STARD13: variants seen among roughly 807,000 people sequenced by gnomAD.
STARD13 encodes stAR-related lipid transfer protein 13.
Under a neutral mutation model 106.4 loss-of-function variants are expected in STARD13, and 62 were observed. That is an observed-to-expected ratio of 0.58 (90% CI 0.48 to 0.72). The LOEUF (loss-of-function observed/expected upper bound fraction) is 0.72. Among genes scored for constraint, STARD13 ranks in the 30% least tolerant of loss-of-function variants. The pLI is 0.00. For missense variants in STARD13, 1,387 were observed against 1,424.0 expected, an observed-to-expected ratio of 0.97 and a Z score of 0.42; for synonymous variants, 565 against 553.0, an observed-to-expected ratio of 1.02 and a Z score of -0.31.
At chr13:33,362,072 T>G in the STARD13 span, among the ~76,000 whole-genome samples, 1 of 152,246 alleles carries the variant, frequency 6.6e-6, no homozygotes, top group Non-Finnish European at 1.5e-5. Context: ...AGGCCATTTT[T>G]GTGTCACTAT....
At chr13:33,628,615 T>A in the STARD13 span, among the ~76,000 whole-genome samples, 1 of 152,112 alleles carries the variant, frequency 6.6e-6, no homozygotes, top group Admixed American at 6.5e-5. Context: ...AGGACTGAAG[T>A]AGGAAGGCTA....
intron 3 of STARD13, among the ~76,000 whole-genome samples, chr13:33,160,452 A>T (rs1882488993): frequency 6.6e-6 from 1 of 152,164 alleles, no homozygotes; most frequent in African/African-American, 2.4e-5. Context: ...ACTTCAGAAA[A>T]ATTAAAAACT....
the STARD13 span, among the ~76,000 whole-genome samples, chr13:33,554,513 T>C: frequency 6.6e-6 from 1 of 152,184 alleles, no homozygotes; most frequent in African/African-American, 2.4e-5. Flanking sequence ...GATAGTTACA[T>C]GAATTAAGAC....
At chr13:33,554,853 T>C in the STARD13 span, among the ~76,000 whole-genome samples, 1 of 152,188 alleles carries the variant, frequency 6.6e-6, no homozygotes, top group Non-Finnish European at 1.5e-5. Context: ...GGGGTTGGGA[T>C]CAAAATTATG....
At chr13:33,519,285 T>TTC in the STARD13 span, among the ~76,000 whole-genome samples, 1 of 131,506 alleles carries the variant, frequency 7.6e-6, no homozygotes, top group Non-Finnish European at 1.6e-5. Context: ...TTCTTTCTCT[T>TTC]TCTTTCTTTC....
the STARD13 span, among the ~76,000 whole-genome samples, chr13:33,483,938 C>T: frequency 7.9e-5 from 12 of 152,164 alleles, no homozygotes; most frequent in African/African-American, 2.7e-4. Flanking sequence ...TGAAATGAGA[C>T]ATTTGCCCAA....
At chr13:33,140,026 G>T (rs1231809985) in intron 4 of STARD13, among the ~76,000 whole-genome samples, 1 of 152,190 alleles carries the variant, frequency 6.6e-6, no homozygotes, top group African/African-American at 2.4e-5. Flanking sequence ...CTAAGCAGGG[G>T]CTTTAAGGGC....
the STARD13 span, among the ~76,000 whole-genome samples, chr13:33,538,139 C>T: frequency 6.6e-6 from 1 of 151,978 alleles, no homozygotes; most frequent in Non-Finnish European, 1.5e-5. Flanking sequence ...AAAATGACCC[C>T]GCCTCTGAAC....
At chr13:33,672,629 G>A in the STARD13 span, among the ~76,000 whole-genome samples, 7 of 152,150 alleles carry the variant, frequency 4.6e-5, no homozygotes, top group Non-Finnish European at 8.8e-5. Context: ...ACTTGAAGAT[G>A]AATTCATTAT....
chr13:33,579,278 A>G, the STARD13 span, among the ~76,000 whole-genome samples: 47 of 152,140 alleles, frequency 3.1e-4, no homozygotes, highest in Non-Finnish European at 5.7e-4. Flanking sequence ...GTGGATAAAG[A>G]AAATGTGCTA....
the STARD13 span, among the ~76,000 whole-genome samples, chr13:33,447,240 G>A: frequency 6.6e-6 from 1 of 152,192 alleles, no homozygotes; most frequent in Non-Finnish European, 1.5e-5. Context: ...TCCGTCTCTT[G>A]TACAACTATG....
the STARD13 span, among the ~76,000 whole-genome samples, chr13:33,385,871 A>C: frequency 1.7e-4 from 25 of 150,690 alleles, no homozygotes; most frequent in Middle Eastern, 3.2e-3. Context: ...AAACAAAAAA[A>C]AAAAAATTAA....
chr13:33,603,331 G>C, the STARD13 span, among the ~76,000 whole-genome samples: 1 of 152,148 alleles, frequency 6.6e-6, no homozygotes, highest in African/African-American at 2.4e-5. Flanking sequence ...AATACTCGTT[G>C]TCTCAGGCAT....
rs117946904 is a variant in STARD13 at position 33,229,907 on chromosome 13, G to A, written c.169+55563C>T. Among the ~76,000 whole-genome samples, 1,386 of 152,312 alleles carry A rather than the reference G, an allele frequency of 9.1e-3. 8 individuals are homozygous for A. Among genetic ancestry groups the A allele is most frequent in the Middle Eastern group, 0.02 (6 of 294 alleles). ...AACCTTAATGGGTTCACAATTTGCA[G>A]GCTTTTTTGGAGAGTGGCTTAGTGG... is the stretch of plus-strand genomic sequence containing the variant. On this transcript the variant is annotated intron_variant, in intron 1 of 13. Transcript: ENST00000336934.
the STARD13 span, among the ~76,000 whole-genome samples, chr13:33,394,157 G>T: frequency 6.6e-6 from 1 of 151,620 alleles, no homozygotes; most frequent in South Asian, 2.1e-4. Context: ...ATATTACTCT[G>T]TTAGTCCTTT....
chr13:33,350,416 T>A (rs2078064523), exon 1 of STARD13: 3 of 1,532,658 alleles, frequency 2.0e-6, no homozygotes, highest in Non-Finnish European at 2.6e-6. Context: ...CTGGTCATTT[T>A]AGATCCGTCC....
downstream of STARD13, among the ~76,000 whole-genome samples, chr13:33,346,994 TAAG>T (rs2078024305): frequency 6.6e-6 from 1 of 152,182 alleles, no homozygotes; most frequent in African/African-American, 2.4e-5. Flanking sequence ...CTAAGTATAG[TAAG>T]AAGAAAATTT....
the STARD13 span, among the ~76,000 whole-genome samples, chr13:33,595,725 G>A: frequency 6.6e-6 from 1 of 152,144 alleles, no homozygotes. Flanking sequence ...TAATAAATCT[G>A]CAATTTGGAA....
chr13:33,360,082 G>A, the STARD13 span, among the ~76,000 whole-genome samples: 1 of 152,202 alleles, frequency 6.6e-6, no homozygotes, highest in Non-Finnish European at 1.5e-5. Flanking sequence ...ACATTTCCTT[G>A]TTATCAGTAA....
Sources: allele counts gnomAD v4.1 joint callset (sites outside exome capture counted in the v4.1 genomes callset), GRCh38; gene constraint gnomAD v4.1.1; transcripts MANE v1.5; gene names NCBI Gene and HGNC (gene_info 2026-07-23, HGNC 2026-07-21).